The following ULK4 variants were observed in gnomAD, a reference collection of about 807,000 sequenced individuals.
ULK4 encodes the protein unc-51 like kinase 4.
Under a neutral mutation model 160.6 loss-of-function variants are expected in ULK4, and 133 were observed. The ratio of observed to expected loss-of-function variants is 0.83; its 90% CI spans 0.72 to 0.96. The LOEUF (loss-of-function observed/expected upper bound fraction) is 0.96, where lower values mean the gene tolerates loss of function less well. Ranked by LOEUF, ULK4 falls within the 40% of genes least tolerant of loss-of-function variation. The probability of loss-of-function intolerance (pLI) is 0.00; values close to 1 mark genes in which losing one functional copy is unlikely to be tolerated. For missense variants in ULK4, 1,580 were observed against 1,499.5 expected, an observed-to-expected ratio of 1.05 and a Z score of -0.89; for synonymous variants, 534 against 539.8, an observed-to-expected ratio of 0.99 and a Z score of 0.15.
chr3:41,346,881 T>C (rs1358667761), intron 35 of ULK4, among the ~76,000 whole-genome samples: 3 of 152,220 alleles, frequency 2.0e-5, no homozygotes, highest in Non-Finnish European at 2.9e-5. Context: ...TATGAGTCAG[T>C]CATTTGGATT....
chr3:41,849,827 T>C (rs2042165561), intron 17 of ULK4, among the ~76,000 whole-genome samples: 1 of 152,216 alleles, frequency 6.6e-6, no homozygotes, highest in South Asian at 2.1e-4. Flanking sequence ...ATTTTTATTA[T>C]TATACTTTAA....
At chr3:41,625,336 T>C (rs1446220728) in intron 30 of ULK4, among the ~76,000 whole-genome samples, 2 of 152,214 alleles carry the variant, frequency 1.3e-5, no homozygotes, top group Non-Finnish European at 2.9e-5. Context: ...AGAGACAATA[T>C]TCATTTGTTT....
At chr3:41,879,282 C>T (rs1697423078) in intron 17 of ULK4, among the ~76,000 whole-genome samples, 1 of 151,650 alleles carries the variant, frequency 6.6e-6, no homozygotes, top group Admixed American at 6.6e-5. Flanking sequence ...TTTTCTAATC[C>T]TTTTCTGCTA....
chr3:41,394,514 A>G (rs1164636512), intron 35 of ULK4, among the ~76,000 whole-genome samples: 1 of 152,146 alleles, frequency 6.6e-6, no homozygotes, highest in East Asian at 1.9e-4. Context: ...ATTGAGCAAA[A>G]TCATCTAATA....
At chr3:41,495,983 TA>T (rs1395967696) in intron 32 of ULK4, among the ~76,000 whole-genome samples, 2 of 152,050 alleles carry the variant, frequency 1.3e-5, no homozygotes, top group African/African-American at 2.4e-5. Context: ...GATTTATAGA[TA>T]ATACTTAATA....
At chr3:41,484,688 A>ACG (rs1559638485) in intron 32 of ULK4, among the ~76,000 whole-genome samples, 30 of 151,952 alleles carry the variant, frequency 2.0e-4, no homozygotes, top group African/African-American at 7.0e-4. Flanking sequence ...TCCTGACCTT[A>ACG]TGATCCGCCC....
chr3:41,803,483 T>TTTATTA (rs966057615), intron 19 of ULK4, among the ~76,000 whole-genome samples: 25 of 151,920 alleles, frequency 1.6e-4, no homozygotes, highest in Non-Finnish European at 2.7e-4. Flanking sequence ...AGCTTTCTTT[T>TTTATTA]TTATTATTAT....
rs1310941911 is a variant in ULK4 at position 41,295,216 on chromosome 3, AATAGTGT to A, written c.3679-45649_3679-45643del. ...TGGAGCAAACATAGTTTTTTCAAGA[AATAGTGT>A]TGGAACAACTGGATATCCACATGCA... On this transcript the variant is annotated intron_variant, in intron 35 of 36. Transcript: ENST00000301831. Among the ~76,000 whole-genome samples the A allele has an allele frequency of 2.9e-4, 40 of 136,780 alleles. 13 individuals are homozygous for A. The highest frequency in any genetic ancestry group is 4.2e-4 in the Non-Finnish European group (25 of 60,138). 89.7% of individuals were successfully genotyped at this position (136,780 alleles called of 152,430 possible).
chr3:41,627,942 A>C (rs2033596358), intron 30 of ULK4, among the ~76,000 whole-genome samples: 1 of 152,184 alleles, frequency 6.6e-6, no homozygotes, highest in African/African-American at 2.4e-5. Context: ...GGTCAGTGTG[A>C]CAGATGGAAC....
intron 29 of ULK4, among the ~76,000 whole-genome samples, chr3:41,664,535 T>C (rs774391744): frequency 6.6e-6 from 1 of 152,144 alleles, no homozygotes; most frequent in African/African-American, 2.4e-5. Context: ...GATGGTCATG[T>C]AGGCAACCTC....
intron 11 of ULK4, 125 bp downstream of exon 11, chr3:41,911,192 T>C: frequency 1.2e-6 from 1 of 867,050 alleles, no homozygotes; most frequent in Non-Finnish European, 1.8e-6. Flanking sequence ...AGAGTGAAAC[T>C]GGCATTTGGC....
intron 35 of ULK4, among the ~76,000 whole-genome samples, chr3:41,358,845 G>A (rs1047441426): frequency 1.3e-5 from 2 of 152,118 alleles, no homozygotes; most frequent in Non-Finnish European, 2.9e-5. Context: ...CTGCTGTGTT[G>A]AGAATGAACT....
intron 32 of ULK4, among the ~76,000 whole-genome samples, chr3:41,508,567 A>T (rs1181608558): frequency 6.6e-6 from 1 of 152,100 alleles, no homozygotes; most frequent in Non-Finnish European, 1.5e-5. Context: ...ACCAAGGCCC[A>T]CTTCACTCCC....
chr3:41,925,666 G>C (rs1055374769), intron 5 of ULK4, among the ~76,000 whole-genome samples: 7 of 152,176 alleles, frequency 4.6e-5, no homozygotes, highest in Non-Finnish European at 2.9e-5. Flanking sequence ...TGAAATTCTC[G>C]CTGTCAGCAC....
intron 35 of ULK4, among the ~76,000 whole-genome samples, chr3:41,334,919 G>A (rs922292785): frequency 6.6e-6 from 1 of 152,182 alleles, no homozygotes; most frequent in Non-Finnish European, 1.5e-5. Flanking sequence ...TGCCCCAAAT[G>A]TCATAGCTAG....
intron 34 of ULK4, among the ~76,000 whole-genome samples, chr3:41,422,638 C>T (rs6794282): frequency 0.58 from 87,629 of 151,860 alleles, 26,908 homozygotes; most frequent in African/African-American, 0.82. Flanking sequence ...GTTTGTGATA[C>T]GTCATTTTTA....
chr3:41,574,182 A>AC, intron 31 of ULK4, among the ~76,000 whole-genome samples: 1 of 152,194 alleles, frequency 6.6e-6, no homozygotes, highest in African/African-American at 2.4e-5. Context: ...TCCGTCTCAA[A>AC]AAAACAAACA....
At chr3:41,627,435 C>T (rs2033566079) in intron 30 of ULK4, among the ~76,000 whole-genome samples, 1 of 152,180 alleles carries the variant, frequency 6.6e-6, no homozygotes, top group South Asian at 2.1e-4. Context: ...AAGCAAGACA[C>T]ATGACACAAG....
chr3:41,749,348 C>T lies in ULK4; in HGVS notation c.2321+5013G>A, dbSNP rs138614312. ...AAATACAAAAATTAGTCAGGCATGG[C>T]GGCATGCACCTGTAATCCCAGCTAC... On this transcript the variant is annotated intron_variant, in intron 22 of 36. Transcript: ENST00000301831. Among the ~76,000 whole-genome samples the T allele has an allele frequency of 6.3e-3, 957 of 151,990 alleles. 13 individuals carry two copies. Among genetic ancestry groups the T allele is most frequent in the African/African-American group, 0.021 (887 of 41,472 alleles).
Sources: allele counts gnomAD v4.1 joint callset (sites outside exome capture counted in the v4.1 genomes callset), GRCh38; gene constraint gnomAD v4.1.1; transcripts MANE v1.5; gene names NCBI Gene and HGNC (gene_info 2026-07-23, HGNC 2026-07-21).